PRKAG2: variants seen among roughly 807,000 people sequenced by gnomAD.
The protein encoded by PRKAG2 is protein kinase AMP-activated non-catalytic subunit gamma 2.
Under a neutral mutation model 69.6 loss-of-function variants are expected in PRKAG2, and 26 were observed. The observed-to-expected ratio is 0.37, with a 90% CI of 0.27 to 0.52. The LOEUF is 0.52. Ranked by LOEUF, PRKAG2 falls within the 20% of genes least tolerant of loss-of-function variation. The pLI is 0.90. For synonymous variants in PRKAG2, 293 were observed against 285.0 expected (o/e 1.03, Z -0.28); for missense variants, 557 against 740.0 (o/e 0.75, Z 2.87).
intron 2 of PRKAG2, among the ~76,000 whole-genome samples, chr7:151,782,777 G>A (rs999344873): frequency 2.6e-5 from 4 of 152,210 alleles, no homozygotes; most frequent in African/African-American, 9.6e-5. Flanking sequence ...AACGTCAGAT[G>A]AAGCCGCGTG....
chr7:151,869,065 T>C (rs2080150802), intron 1 of PRKAG2, among the ~76,000 whole-genome samples: 1 of 141,560 alleles, frequency 7.1e-6, no homozygotes, highest in African/African-American at 2.6e-5. Flanking sequence ...AAACTAGCAA[T>C]ATTGTTCTGA....
chr7:151,682,790 G>T (rs959640184), intron 3 of PRKAG2, among the ~76,000 whole-genome samples: 1 of 151,876 alleles, frequency 6.6e-6, no homozygotes, highest in Admixed American at 6.6e-5. Context: ...GAAAGCAGGG[G>T]GGAGCTCAGG....
intron 5 of PRKAG2, among the ~76,000 whole-genome samples, chr7:151,618,594 G>A (rs1368657161): frequency 4.7e-5 from 7 of 150,394 alleles, no homozygotes; most frequent in Non-Finnish European, 7.4e-5. Flanking sequence ...GTGAAACCCC[G>A]TCTCTACTAA....
chr7:151,591,973 C>T (rs58043599), intron 6 of PRKAG2, among the ~76,000 whole-genome samples: 2,365 of 152,230 alleles, frequency 0.016, 55 homozygotes, highest in African/African-American at 0.054. Context: ...AGCTCCCCAT[C>T]ACGAACAGGG....
At chr7:151,740,564 C>T (rs954441184) in intron 3 of PRKAG2, among the ~76,000 whole-genome samples, 3 of 152,172 alleles carry the variant, frequency 2.0e-5, no homozygotes, top group African/African-American at 7.2e-5. Context: ...CTGATAGATA[C>T]GGGGATCAGA....
chr7:151,563,776 CTTA>C (rs1805613443), intron 14 of PRKAG2, among the ~76,000 whole-genome samples: 1 of 152,184 alleles, frequency 6.6e-6, no homozygotes, highest in South Asian at 2.1e-4. Context: ...GAGACAAGGT[CTTA>C]TTATGTCGTC....
chr7:151,618,330 G>A (rs778894595), intron 5 of PRKAG2, among the ~76,000 whole-genome samples: 1 of 152,074 alleles, frequency 6.6e-6, no homozygotes, highest in Non-Finnish European at 1.5e-5. Flanking sequence ...GTGGGTGCCT[G>A]TAATCCCAGC....
chr7:151,755,050 C>T (rs73158202), intron 3 of PRKAG2, among the ~76,000 whole-genome samples: 2,198 of 152,222 alleles, frequency 0.014, 14 homozygotes, highest in Non-Finnish European at 0.023. Flanking sequence ...CGTGAAGCCC[C>T]GACAGAGAGT....
Position 151,719,820 on chromosome 7 carries a change from T to C in PRKAG2, c.467-44183A>G, listed in dbSNP as rs546007939. On this transcript the variant is annotated intron_variant, in intron 3 of 15. Transcript: ENST00000287878. This position sits in a 1 kb window ranked among gnomAD's most constrained non-coding sequence, Gnocchi z 5.2. The stretch of plus-strand genomic sequence containing the variant: ...CTCCCCCTGAGTTTGCCAGGCAGCC[T>C]GTAAGTTGGGGCTCCAAGTAACGCC... 1.3e-5 allele frequency among the ~76,000 whole-genome samples: 2 copies of C among 152,280 alleles called. No homozygotes were observed. Among genetic ancestry groups the C allele is most frequent in the East Asian group, 3.9e-4 (2 of 5,174 alleles).
intron 6 of PRKAG2, among the ~76,000 whole-genome samples, chr7:151,591,116 G>A (rs1261396816): frequency 6.6e-6 from 1 of 152,228 alleles, no homozygotes; most frequent in East Asian, 1.9e-4. Context: ...GGAATGTACA[G>A]GTGAGGGGCC....
At chr7:151,568,537 G>A (rs916690743) in intron 11 of PRKAG2, among the ~76,000 whole-genome samples, 179 bp downstream of exon 11, 2 of 152,100 alleles carry the variant, frequency 1.3e-5, no homozygotes, top group Non-Finnish European at 2.9e-5. Flanking sequence ...TTTTAAATTG[G>A]AATCAACTTT....
At chr7:151,779,291 T>C (rs756012480) in intron 3 of PRKAG2, among the ~76,000 whole-genome samples, 1 of 152,248 alleles carries the variant, frequency 6.6e-6, no homozygotes, top group Non-Finnish European at 1.5e-5. Context: ...TGTACTGAGC[T>C]GCAGCCTAGG....
chr7:151,772,876 T>C (rs1390847064), intron 3 of PRKAG2, among the ~76,000 whole-genome samples: 1 of 151,632 alleles, frequency 6.6e-6, no homozygotes, highest in East Asian at 1.9e-4. Context: ...GTTCCACCTA[T>C]TGCGGGCAAA....
chr7:151,869,891 A>G (rs893350084), intron 1 of PRKAG2, among the ~76,000 whole-genome samples: 3 of 152,310 alleles, frequency 2.0e-5, no homozygotes, highest in Non-Finnish European at 4.4e-5. Context: ...TCTGGGCCCT[A>G]TTGGAGCTTA....
chr7:151,723,343 C>G (rs1363259799), intron 3 of PRKAG2, among the ~76,000 whole-genome samples: 1 of 152,174 alleles, frequency 6.6e-6, no homozygotes. Context: ...TGGCTCAAGC[C>G]TAAGAATTGA....
intron 1 of PRKAG2, among the ~76,000 whole-genome samples, chr7:151,802,402 A>C (rs79012079): frequency 0.049 from 7,441 of 152,190 alleles, 210 homozygotes; most frequent in South Asian, 0.095. Flanking sequence ...AGGATGGCCG[A>C]GGGTGCCAAC....
intron 1 of PRKAG2, among the ~76,000 whole-genome samples, chr7:151,872,647 C>T (rs1161154879): frequency 6.6e-6 from 1 of 152,254 alleles, no homozygotes; most frequent in Non-Finnish European, 1.5e-5. Context: ...GCGGCTGGGC[C>T]ATTGGCCACC....
chr7:151,734,957 C>T (rs921446748), intron 3 of PRKAG2, among the ~76,000 whole-genome samples: 8 of 144,572 alleles, frequency 5.5e-5, no homozygotes, highest in Admixed American at 4.4e-4. Context: ...TGGGTTCAAG[C>T]GATTCTCCTG....
At chr7:151,693,357 C>G (rs923490538) in intron 3 of PRKAG2, among the ~76,000 whole-genome samples, 1 of 152,144 alleles carries the variant, frequency 6.6e-6, no homozygotes, top group African/African-American at 2.4e-5. Flanking sequence ...AGGTGAGGCC[C>G]TCACCAGGTG....
Sources: allele counts gnomAD v4.1 joint callset (sites outside exome capture counted in the v4.1 genomes callset), GRCh38; gene constraint gnomAD v4.1.1; non-coding constraint Gnocchi (gnomAD v3.1); transcripts MANE v1.5; gene names NCBI Gene and HGNC (gene_info 2026-07-23, HGNC 2026-07-21).